Variants in TRIM2 observed in about 807,000 individuals in gnomAD.
TRIM2 encodes the protein tripartite motif containing 2, also known as tripartite motif-containing protein 2.
Under a neutral mutation model 75.2 loss-of-function variants are expected in TRIM2, and 20 were observed. The observed-to-expected ratio is 0.27, with a 90% CI of 0.19 to 0.39. TRIM2 has a LOEUF of 0.39. Among genes scored for constraint, TRIM2 ranks in the 10% least tolerant of loss-of-function variants. The probability of loss-of-function intolerance (pLI) is 1.00; values close to 1 mark genes in which losing one functional copy is unlikely to be tolerated. For missense variants in TRIM2, 660 were observed against 990.8 expected, an observed-to-expected ratio of 0.67 and a Z score of 4.48; for synonymous variants, 373 against 388.3, an observed-to-expected ratio of 0.96 and a Z score of 0.46.
Position 153,339,038 on chromosome 4 carries a change from C to G in TRIM2, c.*4072C>G. On this transcript the variant is annotated 3_prime_UTR_variant, in exon 12 of 12. Coordinates refer to ENST00000338700, the MANE Select transcript of TRIM2 (RefSeq NM_015271.5). ...TTTCATATGTTTTATGTATAGAACA[C>G]TAAGTCTTGCACTCTCTGACATTGA... is the stretch of plus-strand genomic sequence containing the variant. 1 of 985,166 alleles carries G rather than the reference C, an allele frequency of 1.0e-6. No individual in the cohort carries two copies. The highest frequency in any genetic ancestry group is 1.8e-5 in the African/African-American group (1 of 57,072). 61.0% of individuals were successfully genotyped at this position (985,166 alleles called of 1,614,324 possible). A position where few individuals can be genotyped will look rare whatever the true frequency, so the allele number is the denominator to read the frequency against.
chr4:153,322,887 C>A, intron 9 of TRIM2, 71 bp downstream of exon 9: 1 of 1,577,270 alleles, frequency 6.3e-7, no homozygotes, highest in South Asian at 1.1e-5. Flanking sequence ...GATGTTGGAG[C>A]ATGTTGAAGA....
chr4:153,258,954 A>G (rs1752735213), intron 1 of TRIM2, among the ~76,000 whole-genome samples: 1 of 152,198 alleles, frequency 6.6e-6, no homozygotes, highest in Admixed American at 6.5e-5. Context: ...CACAATGAGA[A>G]GTTTCATGTG....
chr4:153,207,853 A>G (rs1317475452), intron 1 of TRIM2, among the ~76,000 whole-genome samples: 1 of 152,144 alleles, frequency 6.6e-6, no homozygotes, highest in East Asian at 1.9e-4. Flanking sequence ...TCTGTCTATG[A>G]CTTTAGATCT....
chr4:153,270,259 A>G, intron 1 of TRIM2, 76 bp from the exon 2 acceptor site: 1 of 1,512,136 alleles, frequency 6.6e-7, no homozygotes, highest in Non-Finnish European at 9.0e-7. Context: ...CACAATGCTT[A>G]TGGTGAAAGA....
At chr4:153,210,629 C>A (rs1036485058) in intron 1 of TRIM2, among the ~76,000 whole-genome samples, 2 of 152,162 alleles carry the variant, frequency 1.3e-5, no homozygotes, top group African/African-American at 4.8e-5. Context: ...GATTTGTGCT[C>A]TTCACTGGAT....
intron 1 of TRIM2, among the ~76,000 whole-genome samples, chr4:153,264,043 A>G (rs889972927): frequency 6.6e-6 from 1 of 152,200 alleles, no homozygotes; most frequent in East Asian, 1.9e-4. Context: ...CTACGGAGAA[A>G]AACCTAGCAA....
chr4:153,302,737 A>T (rs555295531), intron 6 of TRIM2, among the ~76,000 whole-genome samples: 2 of 152,330 alleles, frequency 1.3e-5, no homozygotes, highest in Admixed American at 1.3e-4. Flanking sequence ...TTTGTGCATG[A>T]ATTCTTTTCC....
chr4:153,244,127 T>A (rs949419127), intron 1 of TRIM2, among the ~76,000 whole-genome samples: 2 of 145,814 alleles, frequency 1.4e-5, no homozygotes, highest in Non-Finnish European at 3.0e-5. Flanking sequence ...TGCCATCTTC[T>A]TCTTCTTCTT....
rs902803559 is a variant in TRIM2 at position 153,244,156 on chromosome 4, CT to C, written c.31-26177del. On this transcript the variant is annotated intron_variant, in intron 1 of 11. Transcript: ENST00000338700. ...TCTTCTTCTTCTTGTTCTTCTTGTT[CT>C]TCTTCTTCTTCTTCTTCTTCTTCTC... Among the ~76,000 whole-genome samples the C allele has an allele frequency of 2.4e-4, 34 of 141,068 alleles. 1 individual carries two copies. The highest frequency in any genetic ancestry group is 9.3e-4 in the African/African-American group (33 of 35,326). The allele number at this position is 141,068 out of a possible 152,430, so 92.5% of individuals were successfully genotyped here. A position where few individuals can be genotyped will look rare whatever the true frequency, so the allele number is the denominator to read the frequency against.
chr4:153,284,646 G>T (rs1201548709), intron 3 of TRIM2, among the ~76,000 whole-genome samples: 2 of 152,190 alleles, frequency 1.3e-5, no homozygotes, highest in African/African-American at 4.8e-5. Flanking sequence ...TAGTGAGTAT[G>T]CAGTGATATC....
At chr4:153,300,081 TG>T (rs1412764398) in intron 6 of TRIM2, among the ~76,000 whole-genome samples, 1 of 152,242 alleles carries the variant, frequency 6.6e-6, no homozygotes, top group Non-Finnish European at 1.5e-5. Flanking sequence ...ACCGAAAATT[TG>T]TTTCTAACAG....
chr4:153,302,097 A>G (rs151189086), intron 6 of TRIM2, among the ~76,000 whole-genome samples: 185 of 152,268 alleles, frequency 1.2e-3, no homozygotes, highest in African/African-American at 4.2e-3. Flanking sequence ...CTTCCAATCT[A>G]TGAACATGAG....
chr4:153,332,751 A>G (rs1771767848), intron 11 of TRIM2, among the ~76,000 whole-genome samples: 1 of 152,200 alleles, frequency 6.6e-6, no homozygotes, highest in Admixed American at 6.5e-5. Flanking sequence ...AGGAAGTACA[A>G]ATTAAGACCA....
intron 1 of TRIM2, among the ~76,000 whole-genome samples, chr4:153,267,608 G>A (rs553515219): frequency 9.1e-4 from 139 of 152,058 alleles, no homozygotes; most frequent in African/African-American, 3.2e-3. Context: ...GCGAGATCGC[G>A]CCACTGCACT....
rs199525626 is a variant in TRIM2 at position 153,322,617 on chromosome 4, G to T, written c.1783-31G>T. On this transcript the variant is annotated intron_variant, in intron 8 of 11. Coordinates refer to ENST00000338700, the MANE Select transcript of TRIM2 (RefSeq NM_015271.5). ...GTGGTTTAAACTTTGACTCTATACT[G>T]TACTTCTATTTCTGTACTTGTTTCA... The T allele has an allele frequency of 9.9e-6, 16 of 1,608,844 alleles. No individual in the cohort carries two copies. In the African/African-American group the frequency reaches 1.5e-4, roughly 15 times the overall value.
At position 153,270,424 on chromosome 4, in the gene TRIM2, G is replaced by C. The variant is rs1422881398; in HGVS notation, c.120G>C (p.Val40=). 6.2e-7 allele frequency: 1 copy of C among 1,614,028 alleles called. No homozygotes were observed. The highest frequency in any genetic ancestry group is 8.5e-7 in the Non-Finnish European group (1 of 1,179,982). ...GCACCAACATCCCAAGTCCTGTGGTGCGCCAGATTGACAAGCAGTTTCTGA... is the reference window on the plus strand; with the variant it reads ...GCACCAACATCCCAAGTCCTGTGGTCCGCCAGATTGACAAGCAGTTTCTGA... The part of the protein sequence containing the change: ...SEGTNIPSPV[V]RQIDKQFLIC... The change falls in exon 2 of 12, where the codon GTG becomes GTC. Residue 40 remains valine (V), a synonymous_variant. Transcript: ENST00000338700.
chr4:153,162,917 G>A (rs1476953255), intron 1 of TRIM2, among the ~76,000 whole-genome samples: 2 of 152,124 alleles, frequency 1.3e-5, no homozygotes, highest in East Asian at 1.9e-4. Flanking sequence ...TAAAGAAACA[G>A]GTTGGGACAT....
chr4:153,308,552 T>C (rs1765528787), intron 6 of TRIM2: 3 of 712,462 alleles, frequency 4.2e-6, no homozygotes, highest in Non-Finnish European at 7.8e-6. Flanking sequence ...GTGAAGGCAA[T>C]ATCCTGTCTC....
At chr4:153,240,118 G>A (rs1049531467) in intron 1 of TRIM2, among the ~76,000 whole-genome samples, 1 of 152,068 alleles carries the variant, frequency 6.6e-6, no homozygotes, top group Non-Finnish European at 1.5e-5. Context: ...ACAGGCATAA[G>A]CCACCACGCC....
Sources: gnomAD v4.1 joint callset for allele counts (sites outside exome capture counted in the v4.1 genomes callset) on GRCh38, gnomAD v4.1.1 for gene constraint, MANE v1.5 for transcripts, NCBI Gene and HGNC (gene_info 2026-07-23, HGNC 2026-07-21) for gene names.